Variants in HIP1 observed in about 807,000 individuals in gnomAD.
The protein encoded by HIP1 is huntingtin-interacting protein 1.
HIP1 carries 65 observed loss-of-function variants against 147.6 expected under a neutral mutation model. The observed-to-expected ratio is 0.44, with a 90% CI of 0.36 to 0.54. The LOEUF is 0.54. Ranked by LOEUF, HIP1 falls within the 20% of genes least tolerant of loss-of-function variation. HIP1 has a pLI of 0.00. For synonymous variants in HIP1, 479 were observed against 504.0 expected (o/e 0.95, Z 0.67); for missense variants, 1,061 against 1,299.6 (o/e 0.82, Z 2.82).
At chr7:75,550,106 C>T (rs1473343132) in intron 22 of HIP1, among the ~76,000 whole-genome samples, 5 of 152,134 alleles carry the variant, frequency 3.3e-5, no homozygotes, top group Admixed American at 1.3e-4. Flanking sequence ...GTCTTGACCA[C>T]AGTTATGGTA....
At chr7:75,569,593 A>G (rs1795533005) in intron 8 of HIP1, among the ~76,000 whole-genome samples, 1 of 152,174 alleles carries the variant, frequency 6.6e-6, no homozygotes, top group African/African-American at 2.4e-5. Flanking sequence ...TGGGTGACAG[A>G]GCGAGACCCT....
At chr7:75,604,069 C>T (rs587766451) in intron 1 of HIP1, among the ~76,000 whole-genome samples, 1 of 151,180 alleles carries the variant, frequency 6.6e-6, no homozygotes, top group Non-Finnish European at 1.5e-5. Context: ...TCCTCAAGTG[C>T]ATTACAGCCG....
In HIP1 at chr7:75,664,017, C is replaced by T. The variant is rs1167342587; in HGVS notation, c.121-64770G>A. Among the ~76,000 whole-genome samples, 7 of 71,498 alleles carry T rather than the reference C, an allele frequency of 9.8e-5. 1 individual carries two copies. Among genetic ancestry groups the T allele is most frequent in the Admixed American group, 3.4e-4 (2 of 5,920 alleles). 46.9% of individuals were successfully genotyped at this position (71,498 alleles called of 152,430 possible). ...ATACACATATATGTGTATATATATA[C>T]ACATATATGTGTATATATATACACA... On this transcript the variant is annotated intron_variant, in intron 1 of 30. Coordinates refer to ENST00000336926, the MANE Select transcript of HIP1 (RefSeq NM_005338.7).
intron 22 of HIP1, among the ~76,000 whole-genome samples, chr7:75,552,770 C>T (rs1275680301): frequency 6.6e-6 from 1 of 152,062 alleles, no homozygotes; most frequent in Non-Finnish European, 1.5e-5. Context: ...TTTGATATTG[C>T]CTAGTGTAAT....
chr7:75,676,809 C>G (rs13228140), intron 1 of HIP1, among the ~76,000 whole-genome samples: 49,036 of 149,840 alleles, frequency 0.33, 8,167 homozygotes, highest in South Asian at 0.36. Flanking sequence ...CCATGGACAT[C>G]TCATTCCTTA....
chr7:75,691,516 G>C (rs1800451453), intron 1 of HIP1, among the ~76,000 whole-genome samples: 2 of 151,012 alleles, frequency 1.3e-5, no homozygotes. Flanking sequence ...TTCCAGAATA[G>C]GGCCGGGCGC....
chr7:75,591,157 C>T (rs1227739204), intron 4 of HIP1, among the ~76,000 whole-genome samples: 4 of 151,834 alleles, frequency 2.6e-5, no homozygotes, highest in African/African-American at 4.8e-5. Context: ...CTCAGCCTCC[C>T]GAGTAGCTGG....
chr7:75,580,889 G>A (rs918179726), intron 7 of HIP1, among the ~76,000 whole-genome samples: 1 of 152,102 alleles, frequency 6.6e-6, no homozygotes, highest in Admixed American at 6.6e-5. Flanking sequence ...TTACAGGCAT[G>A]TGCCACCATG....
rs112116992 is a variant in HIP1, at chr7:75,578,339, T to C, written c.604+2898A>G. On this transcript the variant is annotated intron_variant, in intron 7 of 30. Transcript: ENST00000336926. Reference sequence around the variant, plus strand: ...TGCACTTTCCCAAGGATGACAATTCTAAGAATCTCACTCACGCCTGCATTC... The same window carrying C: ...TGCACTTTCCCAAGGATGACAATTCCAAGAATCTCACTCACGCCTGCATTC... 8.2e-4 allele frequency among the ~76,000 whole-genome samples: 125 copies of C among 152,222 alleles called. 1 individual carries two copies. Among genetic ancestry groups the C allele is most frequent in the African/African-American group, 2.7e-3 (114 of 41,554 alleles).
At chr7:75,563,142 C>T in intron 10 of HIP1, 46 bp downstream of exon 10, 1 of 1,614,000 alleles carries the variant, frequency 6.2e-7, no homozygotes, top group South Asian at 1.1e-5. Flanking sequence ...TAAGAGAGTA[C>T]CTGGGGCCTC....
intron 5 of HIP1, among the ~76,000 whole-genome samples, chr7:75,583,468 G>C (rs374447412): frequency 6.6e-6 from 1 of 152,138 alleles, no homozygotes; most frequent in Non-Finnish European, 1.5e-5. Context: ...GTGTCTTTCA[G>C]TTCTCGAGGC....
At chr7:75,548,756 G>A (rs927617894) in intron 23 of HIP1, 135 bp downstream of exon 23, 1 of 721,398 alleles carries the variant, frequency 1.4e-6, no homozygotes. Context: ...GAGCCACTGT[G>A]CCTGGCAAAT....
chr7:75,561,310 G>C lies in HIP1; in HGVS notation c.1191+19C>G. ...CGTGTTTTGGTGAAGCGCAAAGGCAGAGCAGATCCAAGTTATACCTCAGTC... is the reference window on the plus strand; with the variant it reads ...CGTGTTTTGGTGAAGCGCAAAGGCACAGCAGATCCAAGTTATACCTCAGTC... On this transcript the variant is annotated intron_variant, in intron 13 of 30. Transcript: ENST00000336926. 6.4e-7 allele frequency: 1 copy of C among 1,558,528 alleles called. No homozygotes were observed. Among genetic ancestry groups the C allele is most frequent in the Non-Finnish European group, 8.9e-7 (1 of 1,129,326 alleles).
intron 7 of HIP1, among the ~76,000 whole-genome samples, chr7:75,578,446 C>T (rs587683621): frequency 6.6e-6 from 1 of 152,246 alleles, no homozygotes; most frequent in Admixed American, 6.5e-5. Flanking sequence ...GAGGAAAAGG[C>T]AGGCACATCA....
At chr7:75,614,086 T>A (rs1554505535) in intron 1 of HIP1, among the ~76,000 whole-genome samples, 2 of 152,228 alleles carry the variant, frequency 1.3e-5, no homozygotes, top group Admixed American at 1.3e-4. Flanking sequence ...GGCTAATTTT[T>A]AAATTCCTTT....
intron 2 of HIP1, among the ~76,000 whole-genome samples, chr7:75,592,988 A>G (rs1796556097): frequency 6.6e-6 from 1 of 152,128 alleles, no homozygotes; most frequent in Non-Finnish European, 1.5e-5. Context: ...GTGGTGGTTA[A>G]GATAGGGTCT....
At chr7:75,560,045 G>T in intron 13 of HIP1, 130 bp from the exon 14 acceptor site, 1 of 897,596 alleles carries the variant, frequency 1.1e-6, no homozygotes, top group Non-Finnish European at 1.6e-6. Flanking sequence ...CCACGTCCCA[G>T]GAGGGTTGGA....
chr7:75,583,756 T>TTGTGTG (rs60640180), intron 5 of HIP1, among the ~76,000 whole-genome samples: 3,406 of 115,452 alleles, frequency 0.03, 92 homozygotes, highest in African/African-American at 0.041. Context: ...GCGGGCTAAT[T>TTGTGTG]TGTGTGTGTG....
chr7:75,711,030 TG>T (rs1213780399), intron 1 of HIP1, among the ~76,000 whole-genome samples: 1 of 152,204 alleles, frequency 6.6e-6, no homozygotes, highest in African/African-American at 2.4e-5. Context: ...TTCTGTCTTT[TG>T]TCTACCTATG....
Sources: allele counts gnomAD v4.1 joint callset (sites outside exome capture counted in the v4.1 genomes callset), GRCh38; gene constraint gnomAD v4.1.1; transcripts MANE v1.5; gene names NCBI Gene and HGNC (gene_info 2026-07-23, HGNC 2026-07-21).